The following TRDN variants were observed in gnomAD, a reference collection of about 807,000 sequenced individuals.
TRDN encodes the protein triadin.
In TRDN, 161 loss-of-function variants were observed where a neutral mutation model predicts 149.7. The ratio of observed to expected loss-of-function variants is 1.08; its 90% CI spans 0.95 to 1.23. TRDN has a LOEUF of 1.23. TRDN is among the 50% of genes most tolerant of loss of function. The pLI, the probability that TRDN is intolerant of heterozygous loss-of-function variation, is 0.00. For missense variants in TRDN, 896 were observed against 823.5 expected (o/e 1.09, Z -1.08); for synonymous variants, 294 against 250.5 (o/e 1.17, Z -1.64).
chr6:123,358,203 C>A (rs1780759858), intron 20 of TRDN, among the ~76,000 whole-genome samples: 1 of 152,020 alleles, frequency 6.6e-6, no homozygotes, highest in Non-Finnish European at 1.5e-5. Context: ...AAAATAGATT[C>A]TTATTTCACT....
chr6:123,427,360 TAAC>T (rs1774166778), intron 12 of TRDN, among the ~76,000 whole-genome samples: 1 of 151,776 alleles, frequency 6.6e-6, no homozygotes, highest in Non-Finnish European at 1.5e-5. Flanking sequence ...ATAATAATAA[TAAC>T]TTCACTTCAA....
At chr6:123,499,719 A>AATATATATATATATATATATATATATAT (rs71272328) in intron 8 of TRDN, among the ~76,000 whole-genome samples, 1 of 47,676 alleles carries the variant, frequency 2.1e-5, no homozygotes, top group African/African-American at 7.1e-5. Flanking sequence ...AAAAAAAAAA[A>AATATATATATATATATATATATATATAT]ATATATATAT....
chr6:123,301,776 T>TATATAC lies in TRDN; in HGVS notation c.1510+14680_1510+14681insGTATAT, dbSNP rs1276251150. Among the ~76,000 whole-genome samples the TATATAC allele has an allele frequency of 2.1e-5, 3 of 139,844 alleles. No homozygotes were observed. In the East Asian group the frequency reaches 6.4e-4, roughly 30 times the overall value. The allele number at this position is 139,844 out of a possible 152,430, so 91.7% of individuals were successfully genotyped here. ...ACATATATATATATATATACATATATATATATATATACATAAATGAAAATA... is the reference window on the plus strand; with the variant it reads ...ACATATATATATATATATACATATATATATACATATATATATACATAAATGAAAATA... On this transcript the variant is annotated intron_variant, in intron 24 of 40. Transcript: ENST00000334268.
intron 8 of TRDN, chr6:123,501,710 G>A (rs9398730): frequency 0.84 from 364,518 of 435,570 alleles, 152,923 homozygotes; most frequent in East Asian, 0.88. Context: ...AATTGCAATT[G>A]TTTAGCTGAT....
At chr6:123,421,502 A>C (rs1320182808) in intron 12 of TRDN, 1 of 151,914 alleles carries the variant, frequency 6.6e-6, no homozygotes, top group East Asian at 1.9e-4. Context: ...TTCATTTCCC[A>C]CTGTCTCTGC....
Position 123,599,122 on chromosome 6 carries a change from C to T in TRDN, c.23-27990G>A, listed in dbSNP as rs541424022. Among the ~76,000 whole-genome samples the T allele has an allele frequency of 2.6e-5, 4 of 152,192 alleles. No individual in the cohort carries two copies. In the East Asian group the frequency reaches 7.7e-4, roughly 29 times the overall value. ...GTTAACTCTTCCCTTTAATGACAAA[C>T]TCCCTAACTATTAATTGATAACAAT... is the stretch of plus-strand genomic sequence containing the variant. On this transcript the variant is annotated intron_variant, in intron 1 of 40. Transcript: ENST00000334268.
At chr6:123,275,396 C>T (rs538420211) in intron 26 of TRDN, among the ~76,000 whole-genome samples, 350 of 152,004 alleles carry the variant, frequency 2.3e-3, no homozygotes, top group African/African-American at 8.0e-3. Context: ...CAAGAAACAC[C>T]GAAGATTGCC....
At chr6:123,474,723 A>G (rs541841897) in intron 9 of TRDN, among the ~76,000 whole-genome samples, 67 of 152,068 alleles carry the variant, frequency 4.4e-4, no homozygotes, top group Admixed American at 3.1e-3. Flanking sequence ...ATAACAAACT[A>G]TCTCTCAGAC....
At chr6:123,452,862 C>T (rs1377349479) in intron 10 of TRDN, among the ~76,000 whole-genome samples, 2 of 152,096 alleles carry the variant, frequency 1.3e-5, no homozygotes, top group African/African-American at 4.8e-5. Flanking sequence ...TACTATAAGG[C>T]CATAGTCACC....
chr6:123,485,767 A>G (rs992885163), intron 9 of TRDN, among the ~76,000 whole-genome samples: 1 of 152,166 alleles, frequency 6.6e-6, no homozygotes, highest in Non-Finnish European at 1.5e-5. Flanking sequence ...ATAGATGAGG[A>G]AAGAGGCTCA....
rs556172294 is a variant in TRDN, at chr6:123,290,876, G to T, written c.1511-11794C>A. Among the ~76,000 whole-genome samples the T allele has an allele frequency of 5.3e-5, 8 of 152,290 alleles. No individual in the cohort carries two copies. In the East Asian group the frequency reaches 1.5e-3, roughly 29 times the overall value. Reference sequence around the variant, plus strand: ...TTATGGAAAGAAAAAGTACTTTCTGGCTGGGTGCAGTGGATCACAACTGTA... The same window carrying T: ...TTATGGAAAGAAAAAGTACTTTCTGTCTGGGTGCAGTGGATCACAACTGTA... On this transcript the variant is annotated intron_variant, in intron 24 of 40. Coordinates refer to ENST00000334268, the MANE Select transcript of TRDN (RefSeq NM_006073.4).
At chr6:123,313,956 G>A (rs1312039244) in intron 24 of TRDN, among the ~76,000 whole-genome samples, 2 of 151,816 alleles carry the variant, frequency 1.3e-5, no homozygotes, top group African/African-American at 4.8e-5. Context: ...TTCATGATGA[G>A]GATGCCAAAA....
At position 123,548,480 on chromosome 6, in the gene TRDN, T is replaced by C. The variant is rs749353413; in HGVS notation, c.365A>G (p.Asp122Gly). Residue 122 changes from aspartate (D) to glycine (G), a missense_variant, in exon 3 of 41, where the codon GAT (aspartate) becomes GGT (glycine). Asp to Gly is a moderately conservative substitution (Grantham distance 94, BLOSUM62 -1). Coordinates refer to ENST00000334268, the MANE Select transcript of TRDN (RefSeq NM_006073.4). ...TTTATCAGTATCTTCGTCACCATCA[T>C]CATCTTCTTCATCTTCAGATGAGAT... ...DIISSEDEED[D>G]DGDEDTDKGE... is the part of the protein sequence containing the mutation. 27 of 1,571,126 alleles carry C rather than the reference T, an allele frequency of 1.7e-5. 1 individual carries two copies. In the African/African-American group the frequency reaches 3.0e-4, roughly 17 times the overall value.
At chr6:123,370,308 GAT>G (rs1444250944) in intron 19 of TRDN, among the ~76,000 whole-genome samples, 1 of 151,752 alleles carries the variant, frequency 6.6e-6, no homozygotes, top group Non-Finnish European at 1.5e-5. Context: ...ATAAAGGTAA[GAT>G]AATTTTATAT....
At chr6:123,625,413 A>G (rs926340907) in intron 1 of TRDN, among the ~76,000 whole-genome samples, 1 of 152,104 alleles carries the variant, frequency 6.6e-6, no homozygotes, top group Non-Finnish European at 1.5e-5. Flanking sequence ...TAGTCTATTA[A>G]ATGTGCAATA....
intron 19 of TRDN, among the ~76,000 whole-genome samples, chr6:123,373,762 A>G (rs1229332060): frequency 6.6e-6 from 1 of 152,166 alleles, no homozygotes; most frequent in African/African-American, 2.4e-5. Context: ...TATCTCTATC[A>G]TTCTCATTTG....
At chr6:123,468,048 A>G (rs1483242381) in intron 9 of TRDN, among the ~76,000 whole-genome samples, 1 of 152,158 alleles carries the variant, frequency 6.6e-6, no homozygotes, top group Non-Finnish European at 1.5e-5. Flanking sequence ...TGCATGGCAG[A>G]TACTCAAAAT....
intron 24 of TRDN, among the ~76,000 whole-genome samples, chr6:123,313,242 T>A (rs527513763): frequency 1.3e-5 from 2 of 151,950 alleles, no homozygotes; most frequent in African/African-American, 4.8e-5. Context: ...TCCTTTAGCT[T>A]AGTGAAGATC....
intron 10 of TRDN, among the ~76,000 whole-genome samples, chr6:123,460,013 A>T (rs1000981327): frequency 6.6e-6 from 1 of 152,184 alleles, no homozygotes; most frequent in African/African-American, 2.4e-5. Flanking sequence ...CATGGGCAGT[A>T]TTCTCCTAAA....
Sources: gnomAD v4.1 joint callset for allele counts (sites outside exome capture counted in the v4.1 genomes callset) on GRCh38, gnomAD v4.1.1 for gene constraint, MANE v1.5 for transcripts, NCBI Gene and HGNC (gene_info 2026-07-23, HGNC 2026-07-21) for gene names.